Variants in ACBD6 observed in about 807,000 individuals in gnomAD.
ACBD6 encodes acyl-CoA binding domain containing 6.
Under a neutral mutation model 37.2 loss-of-function variants are expected in ACBD6, and 28 were observed. The observed-to-expected ratio is 0.75, with a 90% CI of 0.56 to 1.03. The LOEUF (loss-of-function observed/expected upper bound fraction) is 1.03. Ranked by LOEUF, ACBD6 falls within the 50% of genes least tolerant of loss-of-function variation. The probability of loss-of-function intolerance (pLI) is 0.00; values close to 1 mark genes in which losing one functional copy is unlikely to be tolerated. For missense variants in ACBD6, 340 were observed against 337.4 expected (o/e 1.01, Z -0.06); for synonymous variants, 113 against 126.8 (o/e 0.89, Z 0.73).
At chr1:180,338,221 C>T (rs2149304703) in intron 6 of ACBD6, among the ~76,000 whole-genome samples, 1 of 152,298 alleles carries the variant, frequency 6.6e-6, no homozygotes, top group Middle Eastern at 3.4e-3. Context: ...CCCACATTGC[C>T]AAGTCAATCC....
intron 6 of ACBD6, among the ~76,000 whole-genome samples, chr1:180,318,867 G>C (rs1650943606): frequency 6.6e-6 from 1 of 152,112 alleles, no homozygotes; most frequent in Non-Finnish European, 1.5e-5. Flanking sequence ...TTAAAGCTTT[G>C]TTTATTTAAA....
chr1:180,435,156 A>G, intron 3 of ACBD6: 2 of 704,588 alleles, frequency 2.8e-6, no homozygotes, highest in Non-Finnish European at 5.3e-6. Context: ...GCAGAAGCAC[A>G]TTAACCTGGG....
At chr1:180,465,735 T>G (rs112205896) in intron 3 of ACBD6, among the ~76,000 whole-genome samples, 1 of 152,006 alleles carries the variant, frequency 6.6e-6, no homozygotes, top group Non-Finnish European at 1.5e-5. Context: ...GCACTGTTCA[T>G]AATAGCAAAG....
At chr1:180,474,575 TA>T (rs765104580) in intron 3 of ACBD6, among the ~76,000 whole-genome samples, 8 of 152,214 alleles carry the variant, frequency 5.3e-5, no homozygotes, top group Non-Finnish European at 7.4e-5. Context: ...CTGGGTTACT[TA>T]ACCTCTCTGA....
chr1:180,354,552 C>T (rs1464138824), intron 6 of ACBD6, among the ~76,000 whole-genome samples: 2 of 151,906 alleles, frequency 1.3e-5, no homozygotes, highest in Admixed American at 1.3e-4. Context: ...TCCTGGGTCT[C>T]CTAAAAAAAA....
chr1:180,332,790 T>C (rs1030078421), intron 6 of ACBD6, among the ~76,000 whole-genome samples: 1 of 152,140 alleles, frequency 6.6e-6, no homozygotes, highest in Admixed American at 6.5e-5. Context: ...CCCCAGTCCA[T>C]GGTAAAATTG....
intron 7 of ACBD6, among the ~76,000 whole-genome samples, chr1:180,299,745 G>C (rs1434942742): frequency 6.6e-6 from 1 of 152,006 alleles, no homozygotes; most frequent in African/African-American, 2.4e-5. Flanking sequence ...TCCCCTGGGA[G>C]ACACAGATGC....
chr1:180,435,850 A>G (rs1187311796), intron 3 of ACBD6: 1 of 1,223,062 alleles, frequency 8.2e-7, no homozygotes, highest in Middle Eastern at 2.7e-4. Flanking sequence ...CCCTAAAACC[A>G]GGTATCAAAT....
chr1:180,418,394 A>C lies in ACBD6; in HGVS notation c.468-4923T>G, dbSNP rs558310554. Among the ~76,000 whole-genome samples the C allele has an allele frequency of 5.3e-5, 8 of 152,176 alleles. No individual in the cohort carries two copies. In the South Asian group the frequency reaches 1.2e-3, roughly 24 times the overall value. On this transcript the variant is annotated intron_variant, in intron 4 of 7. Coordinates refer to ENST00000367595, the MANE Select transcript of ACBD6 (RefSeq NM_032360.4). Reference sequence around the variant, plus strand: ...GGAGTTTGAGACCAGCCTGGGCAACACAGCAAGACCCTACCTCTACAAAAA... The same window carrying C: ...GGAGTTTGAGACCAGCCTGGGCAACCCAGCAAGACCCTACCTCTACAAAAA...
chr1:180,431,015 C>T (rs1648791917), intron 3 of ACBD6, among the ~76,000 whole-genome samples: 1 of 152,188 alleles, frequency 6.6e-6, no homozygotes, highest in Admixed American at 6.5e-5. Flanking sequence ...AGTCAAAACT[C>T]TGATTCCGGA....
chr1:180,348,754 A>ATT (rs11415827), intron 6 of ACBD6, among the ~76,000 whole-genome samples: 1 of 152,102 alleles, frequency 6.6e-6, no homozygotes, highest in African/African-American at 2.4e-5. Context: ...AGTCTAATTC[A>ATT]TTTTTTTGAT....
chr1:180,463,100 C>A (rs1650212923), intron 3 of ACBD6, among the ~76,000 whole-genome samples: 1 of 152,148 alleles, frequency 6.6e-6, no homozygotes, highest in African/African-American at 2.4e-5. Flanking sequence ...AAATTTATAG[C>A]ACTAAAATGC....
At chr1:180,278,715 A>G in intron 9 of ACBD6, 1 of 152,042 alleles carries the variant, frequency 6.6e-6, no homozygotes, top group Non-Finnish European at 1.5e-5. Flanking sequence ...CTGAGCTTGC[A>G]ATCAGACCTC....
intron 6 of ACBD6, among the ~76,000 whole-genome samples, chr1:180,372,749 T>C (rs1224895276): frequency 2.0e-5 from 3 of 152,138 alleles, no homozygotes. Flanking sequence ...TCCAGTGTTC[T>C]TGAGAGTATC....
chr1:180,430,264 T>C lies in ACBD6; in HGVS notation c.385-2A>G, dbSNP rs1648761054. The C allele has an allele frequency of 6.2e-7, 1 of 1,612,428 alleles. No individual in the cohort carries two copies. Among genetic ancestry groups the C allele is most frequent in the East Asian group, 2.2e-5 (1 of 44,800 alleles). On this transcript the variant is annotated splice_acceptor_variant, in intron 3 of 7. Coordinates refer to ENST00000367595, the MANE Select transcript of ACBD6 (RefSeq NM_032360.4). LOFTEE classifies it high-confidence loss of function. Reference sequence around the variant, plus strand: ...TTCTTTTCCTTTCTTCTCTGGTATCTGTGGGAAGGAGAAAAAAAAGTGAAA... The same window carrying C: ...TTCTTTTCCTTTCTTCTCTGGTATCCGTGGGAAGGAGAAAAAAAAGTGAAA...
rs752362672 is a variant in ACBD6, at chr1:180,271,565, G to C, written c.*1660C>G. ...ATGCCAGCACTCCTGTGCCCTCCGG[G>C]GATCCCAGGCCCGGGACAGGGGTGG... On this transcript the variant is annotated 3_prime_UTR_variant, in exon 14 of 14. Transcript: ENST00000642319. 1.9e-6 allele frequency: 3 copies of C among 1,613,326 alleles called. No individual in the cohort carries two copies. In the South Asian group the frequency reaches 3.3e-5, roughly 18 times the overall value.
intron 7 of ACBD6, among the ~76,000 whole-genome samples, chr1:180,296,370 CA>C (rs1186195470): frequency 4.6e-5 from 7 of 152,186 alleles, no homozygotes; most frequent in African/African-American, 7.2e-5. Context: ...GCAAGTTATC[CA>C]GAAGATCTAA....
chr1:180,416,412 C>A (rs1269189706), intron 4 of ACBD6, among the ~76,000 whole-genome samples: 1 of 152,152 alleles, frequency 6.6e-6, no homozygotes, highest in Admixed American at 6.5e-5. Flanking sequence ...TTATGAAACA[C>A]AGTAGAGCCT....
At chr1:180,375,595 G>A (rs1296990672) in intron 6 of ACBD6, among the ~76,000 whole-genome samples, 1 of 152,154 alleles carries the variant, frequency 6.6e-6, no homozygotes, top group Non-Finnish European at 1.5e-5. Flanking sequence ...CAAAGTGCTG[G>A]AATTATAGGC....
Sources: gnomAD v4.1 joint callset for allele counts (sites outside exome capture counted in the v4.1 genomes callset) on GRCh38, gnomAD v4.1.1 for gene constraint, MANE v1.5 for transcripts, NCBI Gene and HGNC (gene_info 2026-07-23, HGNC 2026-07-21) for gene names.